TAFA2: variants seen among roughly 807,000 people sequenced by gnomAD.
The protein encoded by TAFA2 is chemokine-like protein TAFA-2.
A neutral mutation model predicts 18.8 loss-of-function variants in TAFA2; 7 were observed. That is an observed-to-expected ratio of 0.37 (90% CI 0.21 to 0.70). The LOEUF (loss-of-function observed/expected upper bound fraction) is 0.70, where lower values mean the gene tolerates loss of function less well. TAFA2 is among the 30% of genes least tolerant of loss of function. The pLI is 0.53. For synonymous variants in TAFA2, 60 were observed against 54.2 expected, an observed-to-expected ratio of 1.11 and a Z score of -0.47; for missense variants, 122 against 158.1, an observed-to-expected ratio of 0.77 and a Z score of 1.23.
chr12:61,739,112 C>T (rs1231011197), intron 4 of TAFA2, among the ~76,000 whole-genome samples: 1 of 151,978 alleles, frequency 6.6e-6, no homozygotes, highest in Non-Finnish European at 1.5e-5. Flanking sequence ...GTCATCATCT[C>T]CCAGATGTGG....
intron 1 of TAFA2, among the ~76,000 whole-genome samples, chr12:62,211,139 C>T (rs1002836077): frequency 2.0e-5 from 3 of 152,146 alleles, no homozygotes; most frequent in Admixed American, 1.3e-4. Context: ...ATAGCACCTG[C>T]CCTTTGTCGA....
chr12:61,803,728 A>G (rs563062570), intron 2 of TAFA2, among the ~76,000 whole-genome samples: 2 of 152,068 alleles, frequency 1.3e-5, no homozygotes, highest in African/African-American at 4.8e-5. Flanking sequence ...AAGCATAATA[A>G]CTTCTTCTAT....
rs755957485 is a variant in TAFA2 at position 61,867,388 on chromosome 12, T to A, written c.38A>T (p.Lys13Ile). ...TACAATAAATATTATTATTAGCAGTTTTCCTTTTGTTGCTTTCTGTAAGTA... is the reference window on the plus strand; with the variant it reads ...TACAATAAATATTATTATTAGCAGTATTCCTTTTGTTGCTTTCTGTAAGTA... ...KRYLQKATKGKLLIIIFIVTL... is the reference protein window; with the variant it reads ...KRYLQKATKGILLIIIFIVTL... The change falls in exon 2 of 5, where the codon AAA becomes ATA. Residue 13 changes from lysine (K) to isoleucine (I), a missense_variant. Physicochemically the swap from Lys to Ile is moderately radical, Grantham distance 102 (BLOSUM62 -3). Around this residue, in one of 2 missense-constraint regions of TAFA2, gnomAD observed 62 missense variants for 55.5 expected, o/e 1.12. Transcript: ENST00000416284. 1 of 1,608,580 alleles carries A rather than the reference T, an allele frequency of 6.2e-7. No homozygotes were observed. The highest frequency in any genetic ancestry group is 1.1e-5 in the South Asian group (1 of 90,752).
chr12:62,084,038 G>A (rs1219323799), intron 1 of TAFA2, among the ~76,000 whole-genome samples: 2 of 152,116 alleles, frequency 1.3e-5, no homozygotes, highest in Admixed American at 6.6e-5. Context: ...AAATTCAAGA[G>A]ATTTATGGTT....
At chr12:62,168,559 G>A (rs1429775494) in intron 1 of TAFA2, among the ~76,000 whole-genome samples, 2 of 152,196 alleles carry the variant, frequency 1.3e-5, no homozygotes, top group African/African-American at 2.4e-5. Context: ...TTAAGGCCAG[G>A]TGTCATGACT....
At chr12:62,134,348 AGAG>A (rs1410333109) in intron 1 of TAFA2, among the ~76,000 whole-genome samples, 2 of 151,994 alleles carry the variant, frequency 1.3e-5, no homozygotes, top group East Asian at 3.9e-4. Flanking sequence ...CCTTATAAAC[AGAG>A]GAGGAGACCA....
chr12:62,055,714 A>G (rs923218831), intron 1 of TAFA2, among the ~76,000 whole-genome samples: 1 of 152,214 alleles, frequency 6.6e-6, no homozygotes, highest in African/African-American at 2.4e-5. Flanking sequence ...ATAAATCCCC[A>G]GAATCAAAGC....
chr12:62,184,936 G>T (rs1204742071), intron 1 of TAFA2, among the ~76,000 whole-genome samples: 1 of 152,156 alleles, frequency 6.6e-6, no homozygotes, highest in African/African-American at 2.4e-5. Flanking sequence ...AGCATCTCCA[G>T]AGCTCTCGCC....
intron 1 of TAFA2, among the ~76,000 whole-genome samples, chr12:62,030,097 T>C (rs985747456): frequency 1.1e-4 from 16 of 152,222 alleles, no homozygotes; most frequent in African/African-American, 3.9e-4. Context: ...GCACAAAATC[T>C]AACTTATTAT....
intron 1 of TAFA2, among the ~76,000 whole-genome samples, chr12:62,018,500 A>ATATCTACAACTATCTGCCACG (rs1218514166): frequency 2.6e-5 from 4 of 152,206 alleles, no homozygotes; most frequent in African/African-American, 9.6e-5. Flanking sequence ...GGCCTCAGAA[A>ATATCTACAACTATCTGCCACG]TATCTACAAC....
chr12:62,118,951 T>C (rs993043977), intron 1 of TAFA2, among the ~76,000 whole-genome samples: 3 of 152,164 alleles, frequency 2.0e-5, no homozygotes, highest in Non-Finnish European at 2.9e-5. Flanking sequence ...TATAGCAAAA[T>C]ATATGTCTTT....
intron 1 of TAFA2, among the ~76,000 whole-genome samples, chr12:61,976,824 T>C (rs1029740683): frequency 7.9e-5 from 12 of 152,096 alleles, no homozygotes; most frequent in African/African-American, 2.9e-4. Context: ...GTTTCCAGCT[T>C]CATCCATGTC....
At chr12:62,082,155 G>A (rs1868335076) in intron 1 of TAFA2, among the ~76,000 whole-genome samples, 1 of 152,244 alleles carries the variant, frequency 6.6e-6, no homozygotes, top group African/African-American at 2.4e-5. Context: ...AGTATTCTAT[G>A]ATGTATTTGT....
rs144571297 is a variant in TAFA2 at position 62,079,028 on chromosome 12, C to T, written c.-2+112231G>A. Among the ~76,000 whole-genome samples, 992 of 152,274 alleles carry T rather than the reference C, an allele frequency of 6.5e-3. 14 individuals are homozygous for T. The highest frequency in any genetic ancestry group is 0.023 in the African/African-American group (937 of 41,554). ...TTCTTAAAAACAATTCTTTAGCTTCCAACTACAGCCTTTCTTTCTAAAGGA... is the reference window on the plus strand; with the variant it reads ...TTCTTAAAAACAATTCTTTAGCTTCTAACTACAGCCTTTCTTTCTAAAGGA... On this transcript the variant is annotated intron_variant, in intron 1 of 4. Transcript: ENST00000416284.
intron 4 of TAFA2, among the ~76,000 whole-genome samples, chr12:61,739,751 G>A (rs970147713): frequency 2.6e-5 from 4 of 152,028 alleles, no homozygotes; most frequent in African/African-American, 9.7e-5. Context: ...TCAAACAATA[G>A]TTGGACTGTC....
intron 1 of TAFA2, among the ~76,000 whole-genome samples, chr12:62,023,291 C>T (rs984310283): frequency 6.6e-6 from 1 of 152,054 alleles, no homozygotes; most frequent in Non-Finnish European, 1.5e-5. Context: ...AGGTGGACCT[C>T]CCTCTGTGAT....
chr12:61,740,188 T>A (rs1868382634), intron 4 of TAFA2, among the ~76,000 whole-genome samples: 1 of 151,902 alleles, frequency 6.6e-6, no homozygotes, highest in African/African-American at 2.4e-5. Context: ...GCAATGTAAG[T>A]GTAAAATATG....
chr12:61,931,769 A>T (rs1343418476), intron 1 of TAFA2, among the ~76,000 whole-genome samples: 2 of 152,190 alleles, frequency 1.3e-5, no homozygotes, highest in African/African-American at 4.8e-5. Flanking sequence ...TAGCAACTTT[A>T]TCAGATTAAT....
chr12:61,750,012 C>G (rs909812249), intron 4 of TAFA2, among the ~76,000 whole-genome samples: 1 of 151,864 alleles, frequency 6.6e-6, no homozygotes, highest in Non-Finnish European at 1.5e-5. Context: ...CACACACACA[C>G]ACAGAATCAC....
Sources: allele counts gnomAD v4.1 joint callset (sites outside exome capture counted in the v4.1 genomes callset), GRCh38; gene constraint gnomAD v4.1.1; regional missense constraint gnomAD v4.1.1; transcripts MANE v1.5; gene names NCBI Gene and HGNC (gene_info 2026-07-23, HGNC 2026-07-21).